AOPEP: variants seen among roughly 807,000 people sequenced by gnomAD.
AOPEP encodes the protein aminopeptidase O.
AOPEP carries 77 observed loss-of-function variants against 98.1 expected under a neutral mutation model. That is an observed-to-expected ratio of 0.78 (90% CI 0.65 to 0.95). The LOEUF (loss-of-function observed/expected upper bound fraction) is 0.95. Among genes scored for constraint, AOPEP ranks in the 40% least tolerant of loss-of-function variants. The pLI, the probability that AOPEP is intolerant of heterozygous loss-of-function variation, is 0.00. For synonymous variants in AOPEP, 346 were observed against 365.3 expected (o/e 0.95, Z 0.60); for missense variants, 1,024 against 1,024.7 (o/e 1.00, Z 0.01).
intron 7 of AOPEP, among the ~76,000 whole-genome samples, chr9:94,937,934 G>A (rs926433336): frequency 3.9e-5 from 6 of 152,054 alleles, no homozygotes; most frequent in Admixed American, 3.3e-4. Flanking sequence ...GTGCAGTGGC[G>A]TGGTCTCGGC....
chr9:94,863,616 A>G (rs991695078), intron 5 of AOPEP, among the ~76,000 whole-genome samples: 1 of 151,614 alleles, frequency 6.6e-6, no homozygotes, highest in African/African-American at 2.4e-5. Context: ...GGGTTTTGCC[A>G]TGTTGGCCAG....
intron 14 of AOPEP, among the ~76,000 whole-genome samples, chr9:95,068,393 A>G (rs1309848221): frequency 6.6e-6 from 1 of 152,036 alleles, no homozygotes; most frequent in Non-Finnish European, 1.5e-5. Context: ...TGTCGTCGTC[A>G]TTCCTTTTTT....
At chr9:95,125,197 A>G in the AOPEP span, 6 of 1,607,010 alleles carry the variant, frequency 3.7e-6, no homozygotes, top group Non-Finnish European at 4.3e-6. Context: ...TGAACAATGC[A>G]AAGTCAGATC....
intron 5 of AOPEP, among the ~76,000 whole-genome samples, chr9:94,857,449 A>G (rs536475721): frequency 6.6e-6 from 1 of 152,354 alleles, no homozygotes; most frequent in East Asian, 1.9e-4. Context: ...ACTGGATGGA[A>G]TAATAGCAAG....
rs567692910 is a variant in AOPEP at position 95,053,550 on chromosome 9, G to GGTT, written c.2116-7143_2116-7141dup. Among the ~76,000 whole-genome samples the GGTT allele has an allele frequency of 4.4e-4, 67 of 152,096 alleles. No individual in the cohort carries two copies. In the South Asian group the frequency reaches 8.1e-3, roughly 18 times the overall value. ...TATACTCATATGCTGGGCCTTAGGG[G>GGTT]GTTATAAGTTAATGTATAACTAGAA... On this transcript the variant is annotated intron_variant, in intron 13 of 16. Coordinates refer to ENST00000375315, the MANE Select transcript of AOPEP (RefSeq NM_001193329.3).
chr9:94,766,911 A>G (rs1839759617), intron 2 of AOPEP, among the ~76,000 whole-genome samples: 1 of 152,192 alleles, frequency 6.6e-6, no homozygotes, highest in Non-Finnish European at 1.5e-5. Context: ...TTTCTTGCTC[A>G]GCTATTGGGC....
chr9:95,130,299 T>TGTGTGA, the AOPEP span, among the ~76,000 whole-genome samples: 3 of 149,192 alleles, frequency 2.0e-5, no homozygotes, highest in Non-Finnish European at 4.5e-5. Context: ...TGTGTGTGTG[T>TGTGTGA]GAGAGAGAGA....
chr9:94,907,472 GCACAGAGTCAAGCATCAGGA>G (rs1179912690), intron 5 of AOPEP, among the ~76,000 whole-genome samples: 6 of 152,104 alleles, frequency 3.9e-5, no homozygotes, highest in South Asian at 2.1e-4. Context: ...GGCTGGCTGG[GCACAGAGTCAAGCATCAGGA>G]CACAGAGTCA....
intron 13 of AOPEP, among the ~76,000 whole-genome samples, chr9:95,035,482 A>G (rs1587715743): frequency 6.8e-6 from 1 of 147,344 alleles, no homozygotes; most frequent in East Asian, 2.0e-4. Flanking sequence ...TTTAAAATAA[A>G]TCTCTTTGAC....
rs369897648 is a variant in AOPEP at position 95,082,690 on chromosome 9, A to G, written c.2435A>G (p.Gln812Arg). Residue 812 changes from glutamine to arginine, a missense_variant, in exon 16 of 17, where the codon CAG becomes CGG. Coordinates refer to ENST00000375315, the MANE Select transcript of AOPEP (RefSeq NM_001193329.3). The part of the protein sequence containing the change: ...TKEQMDRSSA[Q>R]VVAEMLF ...GAGCAGATGGATAGGTCCTCAGCCC[A>G]GGTGGTGGCCGAAATGTTATTTTAA... is the stretch of plus-strand genomic sequence containing the variant. 16 of 1,614,116 alleles carry G rather than the reference A, an allele frequency of 9.9e-6. No individual in the cohort carries two copies. Among genetic ancestry groups the G allele is most frequent in the Admixed American group, 1.7e-5 (1 of 60,010 alleles).
At chr9:95,145,179 G>C in the AOPEP span, 2 of 152,176 alleles carry the variant, frequency 1.3e-5, no homozygotes, top group African/African-American at 4.8e-5. Flanking sequence ...ACTCTGAACT[G>C]TAAGAACAAC....
At chr9:94,762,332 A>G (rs1645169940) in intron 2 of AOPEP, among the ~76,000 whole-genome samples, 1 of 152,148 alleles carries the variant, frequency 6.6e-6, no homozygotes, top group South Asian at 2.1e-4. Flanking sequence ...CTGTAGTCCC[A>G]GCCATTCGGG....
chr9:94,754,695 T>A (rs1256305026), intron 1 of AOPEP, among the ~76,000 whole-genome samples: 1 of 152,212 alleles, frequency 6.6e-6, no homozygotes, highest in Non-Finnish European at 1.5e-5. Flanking sequence ...CCACTTAACC[T>A]GGTCATGAAC....
intron 13 of AOPEP, among the ~76,000 whole-genome samples, chr9:95,054,436 G>GC (rs1417601031): frequency 2.6e-5 from 4 of 152,178 alleles, no homozygotes; most frequent in African/African-American, 7.2e-5. Context: ...CCAGAGGATT[G>GC]CATGTTTCAT....
At chr9:94,989,099 GT>G (rs1375016791) in intron 11 of AOPEP, among the ~76,000 whole-genome samples, 1 of 150,370 alleles carries the variant, frequency 6.7e-6, no homozygotes, top group Non-Finnish European at 1.5e-5. Flanking sequence ...TTTATTTTTT[GT>G]TTGTTTGTTT....
At chr9:94,858,591 C>T (rs576893200) in intron 5 of AOPEP, among the ~76,000 whole-genome samples, 14 of 152,316 alleles carry the variant, frequency 9.2e-5, no homozygotes, top group Admixed American at 6.5e-4. Context: ...AAGCCAACAT[C>T]GCCAACATCT....
chr9:94,747,184 G>A (rs998983651), intron 1 of AOPEP, among the ~76,000 whole-genome samples: 2 of 152,096 alleles, frequency 1.3e-5, no homozygotes, highest in South Asian at 2.1e-4. Context: ...AGACCAGAGA[G>A]CACAGTTTAT....
chr9:94,804,861 G>A (rs72746543), intron 5 of AOPEP, among the ~76,000 whole-genome samples: 1,808 of 152,234 alleles, frequency 0.012, 21 homozygotes, highest in South Asian at 0.043. Context: ...GCATCGTTAG[G>A]GTGAGAGGGA....
At chr9:94,802,420 T>C (rs1177306854) in intron 5 of AOPEP, among the ~76,000 whole-genome samples, 1 of 152,188 alleles carries the variant, frequency 6.6e-6, no homozygotes, top group African/African-American at 2.4e-5. Context: ...GATTCTGTTT[T>C]CTATAGCTCC....
Sources: gnomAD v4.1 joint callset for allele counts (sites outside exome capture counted in the v4.1 genomes callset) on GRCh38, gnomAD v4.1.1 for gene constraint, MANE v1.5 for transcripts, NCBI Gene and HGNC (gene_info 2026-07-23, HGNC 2026-07-21) for gene names.